SMURF2: variants seen among roughly 807,000 people sequenced by gnomAD.
SMURF2 encodes the protein SMAD specific E3 ubiquitin protein ligase 2, also known as E3 ubiquitin-protein ligase SMURF2.
Under a neutral mutation model 109.6 loss-of-function variants are expected in SMURF2, and 48 were observed. The observed-to-expected ratio is 0.44, with a 90% confidence interval of 0.35 to 0.56. SMURF2 has a LOEUF of 0.56. Among genes scored for constraint, SMURF2 ranks in the 20% least tolerant of loss-of-function variants. SMURF2 has a pLI of 0.01. For synonymous variants in SMURF2, 288 were observed against 317.1 expected (o/e 0.91, Z 0.97); for missense variants, 575 against 909.0 (o/e 0.63, Z 4.72).
intron 2 of SMURF2, among the ~76,000 whole-genome samples, chr17:64,598,785 C>T (rs1260160028): frequency 1.3e-5 from 2 of 152,128 alleles, no homozygotes; most frequent in African/African-American, 4.8e-5. Context: ...GCCCTCTGAC[C>T]CGAGGAATGG....
intron 1 of SMURF2, among the ~76,000 whole-genome samples, chr17:64,613,171 T>C (rs1185711001): frequency 1.3e-5 from 2 of 152,192 alleles, no homozygotes; most frequent in African/African-American, 2.4e-5. Flanking sequence ...GGAATGTACC[T>C]TGGGGACTAG....
chr17:64,593,543 G>A lies in SMURF2; in HGVS notation c.231C>T (p.Ile77=). 6.3e-7 allele frequency: 1 copy of A among 1,576,858 alleles called. No individual in the cohort carries two copies. Among genetic ancestry groups the A allele is most frequent in the South Asian group, 1.2e-5 (1 of 85,120 alleles). The change falls in exon 4 of 19, where the codon ATC becomes ATT. Residue 77 remains isoleucine (I), a synonymous_variant. Coordinates refer to ENST00000262435, the MANE Select transcript of SMURF2 (RefSeq NM_022739.4). ...GGATCTTCTTGTGATTCCATACACT[G>A]ATCGTAACTGAATCAGACTTTCCAA... ...LYIGKSDSVT[I]SVWNHKKIHK... is the part of the protein sequence containing the mutation.
rs59701513 is a variant in SMURF2, at chr17:64,637,923, C to CAAAAAAA, written c.52+23899_52+23905dup. On this transcript the variant is annotated intron_variant, in intron 1 of 18. Coordinates refer to ENST00000262435, the MANE Select transcript of SMURF2 (RefSeq NM_022739.4). ...CATTGAATGGTTTTGGCGCCCTAGT[C>CAAAAAAA]AAAAAAAAAAAAAAAAAAAATCAAC... 2.1e-4 allele frequency among the ~76,000 whole-genome samples: 15 copies of CAAAAAAA among 72,546 alleles called. 1 individual carries two copies. Among genetic ancestry groups the CAAAAAAA allele is most frequent in the African/African-American group, 4.1e-4 (10 of 24,300 alleles). 47.6% of individuals were successfully genotyped at this position (72,546 alleles called of 152,430 possible).
At chr17:64,583,125 C>G (rs1969599779) in intron 7 of SMURF2, among the ~76,000 whole-genome samples, 1 of 152,138 alleles carries the variant, frequency 6.6e-6, no homozygotes, top group African/African-American at 2.4e-5. Context: ...CTCCTGAACT[C>G]AAGTGATCCA....
At chr17:64,550,881 G>C (rs1969035610) in intron 16 of SMURF2, among the ~76,000 whole-genome samples, 1 of 151,962 alleles carries the variant, frequency 6.6e-6, no homozygotes, top group Non-Finnish European at 1.5e-5. Flanking sequence ...AACTAATTCA[G>C]AGTAGGCTCT....
chr17:64,583,450 T>C lies in SMURF2; in HGVS notation c.569+11A>G. On this transcript the variant is annotated intron_variant, in intron 7 of 18. Coordinates refer to ENST00000262435, the MANE Select transcript of SMURF2 (RefSeq NM_022739.4). Reference sequence around the variant, plus strand: ...GGCATAGATCATGAGAAAATATTTGTATGTTCTTACCGTGTTGGGCGCTCC... The same window carrying C: ...GGCATAGATCATGAGAAAATATTTGCATGTTCTTACCGTGTTGGGCGCTCC... The C allele has an allele frequency of 1.9e-6, 3 of 1,604,632 alleles. No individual in the cohort carries two copies. The South Asian group carries it at 3.3e-5, about 18-fold the overall frequency.
chr17:64,549,318 G>A lies in SMURF2; in HGVS notation c.1870-1517C>T, dbSNP rs371964312. Among the ~76,000 whole-genome samples the A allele has an allele frequency of 1.1e-4, 17 of 150,710 alleles. No homozygotes were observed. In the East Asian group the frequency reaches 2.5e-3, roughly 23 times the overall value. The stretch of plus-strand genomic sequence containing the variant: ...AATAATGTTAGCCAGGCGTGGTGGT[G>A]CACACCTGTAGTACCAGTTACTGGG... On this transcript the variant is annotated intron_variant, in intron 16 of 18. Coordinates refer to ENST00000262435, the MANE Select transcript of SMURF2 (RefSeq NM_022739.4).
chr17:64,631,272 G>GAGTGAGA (rs1970337154), intron 1 of SMURF2, among the ~76,000 whole-genome samples: 1 of 4,582 alleles, frequency 2.2e-4, no homozygotes, highest in African/African-American at 5.3e-4. Context: ...GGGGGAGAGA[G>GAGTGAGA]GGGGGGGGGG....
At chr17:64,588,806 G>A (rs1344758526) in intron 5 of SMURF2, among the ~76,000 whole-genome samples, 1 of 151,824 alleles carries the variant, frequency 6.6e-6, no homozygotes, top group Middle Eastern at 3.2e-3. Flanking sequence ...GTATTTTTTA[G>A]TAAAGACAGG....
intron 5 of SMURF2, among the ~76,000 whole-genome samples, chr17:64,586,594 C>T (rs1342859562): frequency 6.7e-6 from 1 of 149,222 alleles, no homozygotes; most frequent in Non-Finnish European, 1.5e-5. Flanking sequence ...ACTAAAAATA[C>T]AAAAAAATTA....
intron 11 of SMURF2, among the ~76,000 whole-genome samples, chr17:64,562,143 A>C (rs1263918326): frequency 6.6e-6 from 1 of 151,366 alleles, no homozygotes; most frequent in Non-Finnish European, 1.5e-5. Context: ...AAATACAAAA[A>C]TTAGCTGAGC....
In SMURF2 at chr17:64,662,198, G is replaced by C. The variant is rs929229145; in HGVS notation, c.-318C>G. The C allele has an allele frequency of 1.9e-6, 2 of 1,034,606 alleles. No homozygotes were observed. The highest frequency in any genetic ancestry group is 5.7e-5 in the Admixed American group (1 of 17,560). 64.1% of individuals were successfully genotyped at this position (1,034,606 alleles called of 1,614,324 possible). On this transcript the variant is annotated 5_prime_UTR_variant, in exon 1 of 19. Coordinates refer to ENST00000262435, the MANE Select transcript of SMURF2 (RefSeq NM_022739.4). ...CGAGGCCTTTCCCTCCTCTCGTCTCGGCGAGGCCCAGTAGCCGACGGGGCT... is the reference window on the plus strand; with the variant it reads ...CGAGGCCTTTCCCTCCTCTCGTCTCCGCGAGGCCCAGTAGCCGACGGGGCT...
chr17:64,616,951 T>C (rs1970132111), intron 1 of SMURF2, among the ~76,000 whole-genome samples: 1 of 149,718 alleles, frequency 6.7e-6, no homozygotes, highest in African/African-American at 2.5e-5. Flanking sequence ...CATGGTGGTG[T>C]GTGCCTGTAG....
At chr17:64,567,902 G>A (rs1969337357) in intron 10 of SMURF2, among the ~76,000 whole-genome samples, 1 of 145,292 alleles carries the variant, frequency 6.9e-6, no homozygotes, top group African/African-American at 2.6e-5. Context: ...TTGCCAGGCT[G>A]GAGTGCAGTG....
At chr17:64,607,059 T>C (rs1233669100) in intron 1 of SMURF2, among the ~76,000 whole-genome samples, 1 of 150,232 alleles carries the variant, frequency 6.7e-6, no homozygotes, top group Admixed American at 6.8e-5. Context: ...CTGATATAGA[T>C]GAGTTTTTTT....
intron 1 of SMURF2, among the ~76,000 whole-genome samples, chr17:64,612,855 G>A (rs902385361): frequency 2.0e-5 from 3 of 152,140 alleles, no homozygotes; most frequent in Admixed American, 6.5e-5. Flanking sequence ...AAGCTTATGA[G>A]GAGAAATTAC....
At chr17:64,652,441 C>A (rs1323934230) in intron 1 of SMURF2, among the ~76,000 whole-genome samples, 2 of 152,162 alleles carry the variant, frequency 1.3e-5, no homozygotes, top group African/African-American at 4.8e-5. Context: ...ATAAAGAAAA[C>A]ACAGGAGAGT....
At chr17:64,660,800 G>C (rs1319266528) in intron 1 of SMURF2, 1 of 152,266 alleles carries the variant, frequency 6.6e-6, no homozygotes, top group African/African-American at 2.4e-5. Context: ...GTAGGATAAC[G>C]CCGTGATTCC....
chr17:64,658,053 T>C (rs1970728320), intron 1 of SMURF2, among the ~76,000 whole-genome samples: 1 of 152,036 alleles, frequency 6.6e-6, no homozygotes, highest in Non-Finnish European at 1.5e-5. Context: ...CTAACACCTC[T>C]AGTATATAAA....
Sources: allele counts gnomAD v4.1 joint callset (sites outside exome capture counted in the v4.1 genomes callset), GRCh38; gene constraint gnomAD v4.1.1; transcripts MANE v1.5; gene names NCBI Gene and HGNC (gene_info 2026-07-23, HGNC 2026-07-21).